The following MAP3K15 variants were observed in gnomAD, a reference collection of about 807,000 sequenced individuals.
MAP3K15 encodes the protein mitogen-activated protein kinase kinase kinase 15, also known as MAPK/ERK kinase kinase 15.
A neutral mutation model predicts 99.5 loss-of-function variants in MAP3K15; 124 were observed. The observed-to-expected ratio is 1.25, with a 90% confidence interval of 1.08 to 1.45. The LOEUF (loss-of-function observed/expected upper bound fraction) is 1.45, where lower values mean the gene tolerates loss of function less well. Ranked by LOEUF, MAP3K15 falls within the 40% of genes most tolerant of loss-of-function variation. The probability of loss-of-function intolerance (pLI) is 0.00; values close to 1 mark genes in which losing one functional copy is unlikely to be tolerated. For missense variants in MAP3K15, 1,242 were observed against 1,079.7 expected, an observed-to-expected ratio of 1.15 and a Z score of -2.11; for synonymous variants, 494 against 439.6, an observed-to-expected ratio of 1.12 and a Z score of -1.55.
chrX:19,436,046 C>T (rs1039861879), intron 6 of MAP3K15, among the ~76,000 whole-genome samples: 2 of 109,562 alleles, frequency 1.8e-5, no homozygotes, highest in Admixed American at 2.0e-4. Flanking sequence ...CCCAGCTACT[C>T]GGGAGGCTGA....
At chrX:19,478,411 C>T (rs2064267397) in intron 3 of MAP3K15, among the ~76,000 whole-genome samples, 1 of 106,843 alleles carries the variant, frequency 9.4e-6, no homozygotes, top group African/African-American at 3.4e-5. Flanking sequence ...TCTACCAAAG[C>T]GTCCCTAAGC....
chrX:19,465,584 T>TAA (rs1355164035), intron 3 of MAP3K15, among the ~76,000 whole-genome samples: 3 of 82,782 alleles, frequency 3.6e-5, no homozygotes, highest in Non-Finnish European at 4.7e-5. Context: ...CATCTCTACT[T>TAA]AAAAAAAAAA....
intron 3 of MAP3K15, among the ~76,000 whole-genome samples, chrX:19,465,908 T>C (rs2064165801): frequency 9.3e-6 from 1 of 107,814 alleles, no homozygotes; most frequent in Admixed American, 1.0e-4. Flanking sequence ...TCACAGCCAC[T>C]AGGAATTGCC....
chrX:19,467,340 C>T (rs969828545), intron 3 of MAP3K15, among the ~76,000 whole-genome samples: 2 of 110,575 alleles, frequency 1.8e-5, no homozygotes, highest in Non-Finnish European at 3.8e-5. Context: ...CTTAGAAGAC[C>T]AGGCCACCAA....
chrX:19,388,244 G>C (rs1443972636), intron 18 of MAP3K15, among the ~76,000 whole-genome samples: 2 of 112,157 alleles, frequency 1.8e-5, no homozygotes, highest in Admixed American at 1.9e-4. Context: ...CCGCCTCCCG[G>C]CTTCAAGCGA....
At chrX:19,473,164 C>T (rs757712254) in intron 3 of MAP3K15, among the ~76,000 whole-genome samples, 2 of 112,103 alleles carry the variant, frequency 1.8e-5, no homozygotes, top group South Asian at 7.4e-4. Flanking sequence ...AGCAGGAATC[C>T]GGAGACTTTG....
At chrX:19,432,465 G>A (rs1207544757) in intron 6 of MAP3K15, among the ~76,000 whole-genome samples, 3 of 106,807 alleles carry the variant, frequency 2.8e-5, no homozygotes, top group African/African-American at 1.0e-4. Flanking sequence ...TGAGGCAGGA[G>A]AATCACTTGA....
At chrX:19,405,387 C>T (rs951516491) in intron 13 of MAP3K15, among the ~76,000 whole-genome samples, 2 of 111,162 alleles carry the variant, frequency 1.8e-5, no homozygotes, top group African/African-American at 6.5e-5. Context: ...CATGAGGAAA[C>T]GATAAACAAA....
At position 19,414,448 on chromosome X, in the gene MAP3K15, A is replaced by T. The variant is rs546405708; in HGVS notation, c.1590+659T>A. 5.2e-5 allele frequency: 9 copies of T among 172,402 alleles called. No homozygotes were observed. The South Asian group carries it at 2.2e-3, about 42-fold the overall frequency. The allele number at this position is 172,402 out of a possible 1,213,427, so 14.2% of individuals were successfully genotyped here. ...ATTCTTGGAAATGGCATGTTCACAA[A>T]TTCTCAACGCATAAATATGGAACAC... On this transcript the variant is annotated intron_variant, in intron 10 of 28. Transcript: ENST00000338883.
At chrX:19,490,625 T>C (rs986207960) in intron 1 of MAP3K15, among the ~76,000 whole-genome samples, 7 of 109,842 alleles carry the variant, frequency 6.4e-5, no homozygotes, top group African/African-American at 2.0e-4. Flanking sequence ...GGTGCGTGCC[T>C]GTAGTCCCAG....
In MAP3K15 at chrX:19,426,292, A is replaced by C; in HGVS notation, c.1218T>G (p.Leu406=). 3 of 1,172,971 alleles carry C rather than the reference A, an allele frequency of 2.6e-6. No homozygotes were observed. The highest frequency in any genetic ancestry group is 3.4e-6 in the Non-Finnish European group (3 of 880,432). The stretch of plus-strand genomic sequence containing the variant: ...GTCCAGCAACAATCAGCAAAACTGC[A>C]AGATTAATTCCCGAATAGAGGGATG... ...LQSSLYSGIN[L]AVLLIVAGQQ... Residue 406 remains leucine, a synonymous_variant, in exon 8 of 29, where the codon CTT becomes CTG. Coordinates refer to ENST00000338883, the MANE Select transcript of MAP3K15 (RefSeq NM_001001671.4).
At chrX:19,377,628 C>T (rs768442679) in intron 19 of MAP3K15, among the ~76,000 whole-genome samples, 130 of 112,055 alleles carry the variant, frequency 1.2e-3, no homozygotes, top group African/African-American at 4.1e-3. Flanking sequence ...GCGGAGGAAT[C>T]GAGCCAGTCA....
chrX:19,364,771 T>TA (rs1166867736), intron 25 of MAP3K15, among the ~76,000 whole-genome samples: 1 of 108,759 alleles, frequency 9.2e-6, no homozygotes, highest in Non-Finnish European at 1.9e-5. Context: ...CACATGCCTG[T>TA]AATCCGAGTT....
At chrX:19,362,580 ATGT>A (rs1394823589) in intron 26 of MAP3K15, among the ~76,000 whole-genome samples, 155 bp downstream of exon 26, 2 of 110,982 alleles carry the variant, frequency 1.8e-5, no homozygotes, top group Non-Finnish European at 3.8e-5. Context: ...CAATGCAGCC[ATGT>A]TGTTGAATCT....
chrX:19,441,850 T>C (rs1272307293), intron 6 of MAP3K15, among the ~76,000 whole-genome samples: 5 of 111,798 alleles, frequency 4.5e-5, no homozygotes, highest in African/African-American at 1.6e-4. Flanking sequence ...ACCATGCTCT[T>C]TTCCTATCAT....
In MAP3K15 at chrX:19,426,288, C is replaced by A; in HGVS notation, c.1222G>T (p.Val408Phe). ...SSLYSGINLA[V>F]LLIVAGQQFE... The stretch of plus-strand genomic sequence containing the variant: ...TGTTGTCCAGCAACAATCAGCAAAA[C>A]TGCAAGATTAATTCCCGAATAGAGG... Residue 408 changes from valine to phenylalanine, a missense_variant, in exon 8 of 29, where the codon GTT (valine) becomes TTT (phenylalanine). Transcript: ENST00000338883. The A allele has an allele frequency of 8.5e-7, 1 of 1,173,742 alleles. No homozygotes were observed. Among genetic ancestry groups the A allele is most frequent in the Non-Finnish European group, 1.1e-6 (1 of 881,133 alleles).
intron 23 of MAP3K15, 97 bp from the exon 24 acceptor site, chrX:19,371,161 T>C: frequency 1.2e-6 from 1 of 807,863 alleles, no homozygotes; most frequent in Non-Finnish European, 1.7e-6. Context: ...ACTCATCCTC[T>C]TGGGGGCCGC....
intron 9 of MAP3K15, among the ~76,000 whole-genome samples, chrX:19,422,849 TA>T (rs1344552331): frequency 8.1e-5 from 9 of 110,996 alleles, no homozygotes; most frequent in East Asian, 5.6e-4. Context: ...TATACAGCCA[TA>T]AAAAAGGACG....
rs1465416020 is a variant in MAP3K15, at chrX:19,418,415, T to C, written c.1440-3158A>G. Reference sequence around the variant, plus strand: ...TGAATGCACAAGCCTCGGTAGCCGATTCGATCAACTGGAAGAAAGGGTATC... The same window carrying C: ...TGAATGCACAAGCCTCGGTAGCCGACTCGATCAACTGGAAGAAAGGGTATC... On this transcript the variant is annotated intron_variant, in intron 9 of 28. Coordinates refer to ENST00000338883, the MANE Select transcript of MAP3K15 (RefSeq NM_001001671.4). 4.5e-5 allele frequency among the ~76,000 whole-genome samples: 5 copies of C among 111,143 alleles called. 1 individual carries two copies. The Admixed American group carries it at 4.8e-4, about 11-fold the overall frequency.
Sources: gnomAD v4.1 joint callset for allele counts (sites outside exome capture counted in the v4.1 genomes callset) on GRCh38, gnomAD v4.1.1 for gene constraint, MANE v1.5 for transcripts, NCBI Gene and HGNC (gene_info 2026-07-23, HGNC 2026-07-21) for gene names.